The following MATR3 variants were observed in gnomAD, a reference collection of about 807,000 sequenced individuals.
MATR3 encodes the protein matrin 3.
Under a neutral mutation model 85.5 loss-of-function variants are expected in MATR3, and 4 were observed. That is an observed-to-expected ratio of 0.05 (90% CI 0.02 to 0.11). MATR3 has a LOEUF of 0.11. Among genes scored for constraint, MATR3 ranks in the 10% least tolerant of loss-of-function variants. The probability of loss-of-function intolerance (pLI) is 1.00; values close to 1 mark genes in which losing one functional copy is unlikely to be tolerated. For synonymous variants in MATR3, 336 were observed against 343.1 expected (o/e 0.98, Z 0.23); for missense variants, 685 against 1,016.1 (o/e 0.67, Z 4.43).
At chr5:139,304,282 G>A (rs1053083541) in intron 1 of MATR3, among the ~76,000 whole-genome samples, 4 of 152,074 alleles carry the variant, frequency 2.6e-5, no homozygotes, top group Non-Finnish European at 5.9e-5. Flanking sequence ...GACGAGGCAG[G>A]GGGATCACCT....
At chr5:139,329,172 T>C (rs960570810) in intron 14 of MATR3, among the ~76,000 whole-genome samples, 173 bp from the exon 15 acceptor site, 1 of 152,218 alleles carries the variant, frequency 6.6e-6, no homozygotes, top group African/African-American at 2.4e-5. Flanking sequence ...TGCCTTATTG[T>C]AATGTCCTGA....
At chr5:139,301,924 C>T (rs1380742424) in intron 1 of MATR3, among the ~76,000 whole-genome samples, 5 of 152,136 alleles carry the variant, frequency 3.3e-5, no homozygotes, top group African/African-American at 7.2e-5. Flanking sequence ...CAGCAGCTGA[C>T]GCCACTCTGC....
At chr5:139,306,427 A>G (rs3810846) in intron 1 of MATR3, among the ~76,000 whole-genome samples, 1 of 152,272 alleles carries the variant, frequency 6.6e-6, no homozygotes, top group East Asian at 1.9e-4. Flanking sequence ...GTACTGATGG[A>G]TGCTGATTTG....
chr5:139,317,308 C>G (rs1181303956), intron 6 of MATR3, among the ~76,000 whole-genome samples: 1 of 152,180 alleles, frequency 6.6e-6, no homozygotes, highest in Non-Finnish European at 1.5e-5. Flanking sequence ...CACCTTAATT[C>G]AGCATCTTGG....
At chr5:139,303,048 GT>G (rs758720111) in intron 1 of MATR3, among the ~76,000 whole-genome samples, 2,524 of 136,832 alleles carry the variant, frequency 0.018, 43 homozygotes, top group African/African-American at 0.048. Flanking sequence ...CAAATTAGTT[GT>G]TTTTTTTTTT....
At chr5:139,274,819 G>A (rs186684423) in intron 1 of MATR3, among the ~76,000 whole-genome samples, 1 of 151,706 alleles carries the variant, frequency 6.6e-6, no homozygotes, top group African/African-American at 2.4e-5. Context: ...CCTGAAGTCG[G>A]GAGGCTGAGG....
intron 2 of MATR3, 41 bp from the exon 3 acceptor site, chr5:139,314,634 A>T (rs1385199082): frequency 1.3e-6 from 2 of 1,510,036 alleles, no homozygotes; most frequent in East Asian, 4.5e-5. Flanking sequence ...AAAATATTTC[A>T]GCTTTATTTT....
chr5:139,322,127 A>G (rs1406781257), intron 10 of MATR3, 98 bp downstream of exon 10: 1 of 1,370,486 alleles, frequency 7.3e-7, no homozygotes, highest in African/African-American at 1.4e-5. Context: ...AAAATACAGG[A>G]TTATTGAAAC....
Position 139,330,209 on chromosome 5 carries a change from A to G in MATR3, c.*814A>G. 1 of 454,366 alleles carries G rather than the reference A, an allele frequency of 2.2e-6. No individual in the cohort carries two copies. Among genetic ancestry groups the G allele is most frequent in the South Asian group, 1.6e-5 (1 of 64,470 alleles). The allele number at this position is 454,366 out of a possible 1,614,324, so 28.1% of individuals were successfully genotyped here. On this transcript the variant is annotated 3_prime_UTR_variant, in exon 15 of 15. Transcript: ENST00000394805. ...TCATATTTTCAAGATGTAATTTTAC[A>G]TTTCTGCATTTTTAAAACAGTTTGG...
chr5:139,304,423 C>A (rs1365817812), intron 1 of MATR3, among the ~76,000 whole-genome samples: 1 of 151,226 alleles, frequency 6.6e-6, no homozygotes, highest in African/African-American at 2.4e-5. Flanking sequence ...TCACTTGAAC[C>A]TAGGAGGCAG....
intron 1 of MATR3, among the ~76,000 whole-genome samples, chr5:139,306,472 G>A (rs1025044655): frequency 6.6e-6 from 1 of 152,052 alleles, no homozygotes; most frequent in Non-Finnish European, 1.5e-5. Flanking sequence ...TGTATTTCCT[G>A]TACCTAGGTT....
chr5:139,326,645 G>T (rs1468104359), intron 14 of MATR3, among the ~76,000 whole-genome samples: 1 of 151,982 alleles, frequency 6.6e-6, no homozygotes, highest in Non-Finnish European at 1.5e-5. Flanking sequence ...GGCTGGTCTT[G>T]AACTCCTGAC....
intron 2 of MATR3, chr5:139,310,234 G>A (rs1038949058): frequency 6.6e-6 from 1 of 152,100 alleles, no homozygotes; most frequent in African/African-American, 2.4e-5. Context: ...CACTACCCTA[G>A]TGCAAGAGGT....
chr5:139,317,495 T>C, intron 6 of MATR3, 101 bp from the exon 7 acceptor site: 1 of 1,165,582 alleles, frequency 8.6e-7, no homozygotes, highest in Non-Finnish European at 1.3e-6. Context: ...TTACTTACAC[T>C]CTCCTGGTTA....
chr5:139,323,129 ATAAT>A (rs2152011891), intron 12 of MATR3, among the ~76,000 whole-genome samples, 162 bp downstream of exon 12: 1 of 152,362 alleles, frequency 6.6e-6, no homozygotes, highest in African/African-American at 2.4e-5. Flanking sequence ...TCTGCAATAA[ATAAT>A]TAAATAAGAC....
intron 1 of MATR3, among the ~76,000 whole-genome samples, chr5:139,302,450 T>TA (rs1561930104): frequency 2.6e-5 from 4 of 151,986 alleles, no homozygotes; most frequent in Non-Finnish European, 5.9e-5. Flanking sequence ...TTAGGAAATA[T>TA]TATATACACC....
At chr5:139,301,971 G>A (rs1754468875) in intron 1 of MATR3, among the ~76,000 whole-genome samples, 1 of 152,202 alleles carries the variant, frequency 6.6e-6, no homozygotes, top group Admixed American at 6.5e-5. Flanking sequence ...GGATCAAGAA[G>A]TGGACTAAAA....
At chr5:139,323,939 T>TA (rs1294798264) in intron 12 of MATR3, among the ~76,000 whole-genome samples, 3 of 152,100 alleles carry the variant, frequency 2.0e-5, no homozygotes, top group Non-Finnish European at 4.4e-5. Flanking sequence ...TCCTATTCCA[T>TA]ATTCCATTGG....
chr5:139,290,759 A>G (rs750770704), upstream of MATR3, among the ~76,000 whole-genome samples: 1 of 151,620 alleles, frequency 6.6e-6, no homozygotes, highest in Non-Finnish European at 1.5e-5. Context: ...CTTTAAGTTT[A>G]TTTTTCAACT....
Sources: allele counts gnomAD v4.1 joint callset (sites outside exome capture counted in the v4.1 genomes callset), GRCh38; gene constraint gnomAD v4.1.1; transcripts MANE v1.5; gene names NCBI Gene and HGNC (gene_info 2026-07-23, HGNC 2026-07-21).